The following SLC39A14 variants were observed in gnomAD, a reference collection of about 807,000 sequenced individuals.
SLC39A14 encodes solute carrier family 39 member 14.
In SLC39A14, 19 loss-of-function variants were observed where a neutral mutation model predicts 45.5. That is an observed-to-expected ratio of 0.42 (90% CI 0.29 to 0.61). The LOEUF is 0.61. Ranked by LOEUF, SLC39A14 falls within the 20% of genes least tolerant of loss-of-function variation. The pLI, the probability that SLC39A14 is intolerant of heterozygous loss-of-function variation, is 0.22. For missense variants in SLC39A14, 447 were observed against 616.5 expected, an observed-to-expected ratio of 0.73 and a Z score of 2.91; for synonymous variants, 264 against 251.3, an observed-to-expected ratio of 1.05 and a Z score of -0.48.
Position 22,421,690 on chromosome 8 carries a change from C to T in SLC39A14, c.*1992C>T, listed in dbSNP as rs986017858. 1.4e-5 allele frequency: 14 copies of T among 984,428 alleles called. No homozygotes were observed. Among genetic ancestry groups the T allele is most frequent in the African/African-American group, 8.7e-5 (5 of 57,220 alleles). The allele number at this position is 984,428 out of a possible 1,614,324, so 61.0% of individuals were successfully genotyped here. ...TGGAAGATTTTGCTTTAACCTAACT[C>T]GCATTGATGTATTAAATTTATAATT... is the stretch of plus-strand genomic sequence containing the variant. On this transcript the variant is annotated 3_prime_UTR_variant, in exon 9 of 9. Transcript: ENST00000381237.
rs555780241 is a variant in SLC39A14 at position 22,417,639 on chromosome 8, T to G, written c.1148-12T>G. 1.2e-6 allele frequency: 2 copies of G among 1,610,064 alleles called. No individual in the cohort carries two copies. Among genetic ancestry groups the G allele is most frequent in the African/African-American group, 2.7e-5 (2 of 74,828 alleles). ...TTCCTCGTCCCTCCCCTTTTCATTC[T>G]CGCTGCTGTAGGAGACTTTGTCATC... On this transcript the variant is annotated splice_polypyrimidine_tract_variant and intron_variant, in intron 7 of 8. Transcript: ENST00000381237.
At chr8:22,373,764 C>T (rs1487384644) in intron 1 of SLC39A14, among the ~76,000 whole-genome samples, 3 of 145,186 alleles carry the variant, frequency 2.1e-5, no homozygotes, top group Admixed American at 1.4e-4. Flanking sequence ...TTTGTTTTCT[C>T]GTTTTTTTTT....
downstream of SLC39A14, among the ~76,000 whole-genome samples, chr8:22,423,117 C>T (rs1836312597): frequency 6.6e-6 from 1 of 151,822 alleles, no homozygotes; most frequent in Non-Finnish European, 1.5e-5. Flanking sequence ...AGTCATTGTG[C>T]CAGGCCAAGA....
chr8:22,409,157 G>A (rs1041533329), intron 3 of SLC39A14, among the ~76,000 whole-genome samples: 7 of 151,994 alleles, frequency 4.6e-5, no homozygotes, highest in South Asian at 2.1e-4. Flanking sequence ...AAGACCTCCC[G>A]GAGGCTGCAC....
chr8:22,367,826 G>C lies in SLC39A14; in HGVS notation c.-16+418G>C, dbSNP rs907066872. 2.9e-4 allele frequency: 44 copies of C among 153,232 alleles called. No individual in the cohort carries two copies. Among genetic ancestry groups the C allele is most frequent in the African/African-American group, 8.9e-4 (37 of 41,586 alleles). 9.5% of individuals were successfully genotyped at this position (153,232 alleles called of 1,614,324 possible). A position where few individuals can be genotyped will look rare whatever the true frequency, so the allele number is the denominator to read the frequency against. On this transcript the variant is annotated intron_variant, in intron 1 of 8. Coordinates refer to ENST00000381237, the MANE Select transcript of SLC39A14 (RefSeq NM_001128431.4). The surrounding 1 kb of genome is among the most constrained non-coding windows in gnomAD (Gnocchi z 4.2). Reference sequence around the variant, plus strand: ...TGCTTTTCAGGAGCTGCGTCCCCGGGCCCCCGCCGGTCCATCTCCCCTCTG... The same window carrying C: ...TGCTTTTCAGGAGCTGCGTCCCCGGCCCCCCGCCGGTCCATCTCCCCTCTG...
chr8:22,393,828 A>G (rs1834218018), intron 1 of SLC39A14, among the ~76,000 whole-genome samples: 1 of 151,944 alleles, frequency 6.6e-6, no homozygotes, highest in Admixed American at 6.6e-5. Flanking sequence ...ATTCATCACC[A>G]CACCTGACTA....
chr8:22,420,909 C>T lies in SLC39A14; in HGVS notation c.*1211C>T, dbSNP rs1035045644. ...GTTACTGCTTCCTTGCAAAAAAAGT[C>T]GAATCCTGCATTGAATTGAATATGA... On this transcript the variant is annotated 3_prime_UTR_variant, in exon 9 of 9. Coordinates refer to ENST00000381237, the MANE Select transcript of SLC39A14 (RefSeq NM_001128431.4). 6 of 985,680 alleles carry T rather than the reference C, an allele frequency of 6.1e-6. No individual in the cohort carries two copies. The highest frequency in any genetic ancestry group is 1.7e-5 in the African/African-American group (1 of 57,322). The allele number at this position is 985,680 out of a possible 1,614,324, so 61.1% of individuals were successfully genotyped here. A position where few individuals can be genotyped will look rare whatever the true frequency, so the allele number is the denominator to read the frequency against.
intron 8 of SLC39A14, among the ~76,000 whole-genome samples, chr8:22,433,293 C>G (rs994126902): frequency 6.6e-6 from 1 of 152,110 alleles, no homozygotes; most frequent in South Asian, 2.1e-4. Flanking sequence ...GTGCCTGGCA[C>G]ACAGTCCACA....
Position 22,421,914 on chromosome 8 carries a change from C to T in SLC39A14, c.*2216C>T. 1.0e-6 allele frequency: 1 copy of T among 985,420 alleles called. No individual in the cohort carries two copies. Among genetic ancestry groups the T allele is most frequent in the Non-Finnish European group, 1.2e-6 (1 of 829,916 alleles). 61.0% of individuals were successfully genotyped at this position (985,420 alleles called of 1,614,324 possible). On this transcript the variant is annotated 3_prime_UTR_variant, in exon 9 of 9. Coordinates refer to ENST00000381237, the MANE Select transcript of SLC39A14 (RefSeq NM_001128431.4). ...ACCTTAAGAAATTTCCTTCCATAGACAGCTGCCTCAAAGGGAAATCCTCTT... is the reference window on the plus strand; with the variant it reads ...ACCTTAAGAAATTTCCTTCCATAGATAGCTGCCTCAAAGGGAAATCCTCTT...
chr8:22,368,486 C>T (rs866166732), intron 1 of SLC39A14, among the ~76,000 whole-genome samples: 1 of 147,528 alleles, frequency 6.8e-6, no homozygotes, highest in Non-Finnish European at 1.5e-5. Context: ...ATCCTTCCCT[C>T]TTTTATTTTA....
At chr8:22,373,985 C>T (rs935120083) in intron 1 of SLC39A14, among the ~76,000 whole-genome samples, 4 of 152,158 alleles carry the variant, frequency 2.6e-5, no homozygotes, top group Admixed American at 6.5e-5. Context: ...GTCTCGAACT[C>T]GAGCTCAAGT....
intron 8 of SLC39A14, chr8:22,433,765 T>G (rs968121632): frequency 5.0e-5 from 9 of 179,816 alleles, no homozygotes; most frequent in Admixed American, 3.8e-4. Flanking sequence ...TTTCACCATA[T>G]TGCCCAAGCT....
At chr8:22,389,119 C>T (rs556157616) in intron 1 of SLC39A14, among the ~76,000 whole-genome samples, 1 of 152,312 alleles carries the variant, frequency 6.6e-6, no homozygotes, top group Admixed American at 6.5e-5. Flanking sequence ...AAAGCGCTGG[C>T]TCTGCCTGTG....
chr8:22,375,038 G>A (rs1270897697), intron 1 of SLC39A14, among the ~76,000 whole-genome samples: 1 of 151,038 alleles, frequency 6.6e-6, no homozygotes, highest in Non-Finnish European at 1.5e-5. Context: ...GAGCCACCGC[G>A]CCTGGCCAGC....
chr8:22,377,336 G>A (rs1439619814), intron 1 of SLC39A14, among the ~76,000 whole-genome samples: 1 of 150,906 alleles, frequency 6.6e-6, no homozygotes, highest in African/African-American at 2.4e-5. Flanking sequence ...GGCTCATCTT[G>A]TAACTTCGCT....
intron 3 of SLC39A14, among the ~76,000 whole-genome samples, chr8:22,408,977 T>C (rs1198546232): frequency 6.6e-6 from 1 of 151,696 alleles, no homozygotes; most frequent in African/African-American, 2.4e-5. Flanking sequence ...TGCACCGCCA[T>C]GCCCAGCTAA....
At chr8:22,428,672 A>G (rs1044321266) in intron 8 of SLC39A14, among the ~76,000 whole-genome samples, 2 of 151,310 alleles carry the variant, frequency 1.3e-5, no homozygotes, top group Non-Finnish European at 2.9e-5. Context: ...CGATCTCTTG[A>G]CCTTGTGATC....
rs1835875201 is a variant in SLC39A14 at position 22,416,281 on chromosome 8, G to C, written c.1147+1G>C. 1 of 1,612,258 alleles carries C rather than the reference G, an allele frequency of 6.2e-7. No homozygotes were observed. Among genetic ancestry groups the C allele is most frequent in the Non-Finnish European group, 8.5e-7 (1 of 1,179,876 alleles). On this transcript the variant is annotated splice_donor_variant, in intron 7 of 8. Transcript: ENST00000381237. LOFTEE classifies it high-confidence loss of function. ...TGTGAGGAGTTCCCACATGAGCTAG[G>C]TAAGCGTGCGTCCCCCGTTCCACTG...
Position 22,369,166 on chromosome 8 carries a change from A to G in SLC39A14, c.-16+1758A>G, listed in dbSNP as rs1166867807. On this transcript the variant is annotated intron_variant, in intron 1 of 8. Coordinates refer to ENST00000381237, the MANE Select transcript of SLC39A14 (RefSeq NM_001128431.4). ...TGCAGGTAAGACTAGAGGGCACCAG[A>G]CAGTGGAAGGGGGTCCTCTGGATAC... 8.5e-5 allele frequency among the ~76,000 whole-genome samples: 13 copies of G among 152,256 alleles called. No homozygotes were observed. In the East Asian group the frequency reaches 2.5e-3, roughly 29 times the overall value.
Sources: allele counts gnomAD v4.1 joint callset (sites outside exome capture counted in the v4.1 genomes callset), GRCh38; gene constraint gnomAD v4.1.1; non-coding constraint Gnocchi (gnomAD v3.1); transcripts MANE v1.5; gene names NCBI Gene and HGNC (gene_info 2026-07-23, HGNC 2026-07-21).